The following JAKMIP2 variants were observed in gnomAD, a reference collection of about 807,000 sequenced individuals.
The protein encoded by JAKMIP2 is janus kinase and microtubule interacting protein 2.
JAKMIP2 carries 25 observed loss-of-function variants against 115.0 expected under a neutral mutation model. The observed-to-expected ratio is 0.22, with a 90% CI of 0.16 to 0.30. The LOEUF (loss-of-function observed/expected upper bound fraction) is 0.30, where lower values mean the gene tolerates loss of function less well. Ranked by LOEUF, JAKMIP2 falls within the 10% of genes least tolerant of loss-of-function variation. JAKMIP2 has a pLI of 1.00. For missense variants in JAKMIP2, 642 were observed against 957.6 expected (o/e 0.67, Z 4.35); for synonymous variants, 334 against 343.6 (o/e 0.97, Z 0.31).
chr5:147,726,360 G>C (rs1580841623), intron 1 of JAKMIP2, among the ~76,000 whole-genome samples: 1 of 152,194 alleles, frequency 6.6e-6, no homozygotes, highest in South Asian at 2.1e-4. Context: ...CAGGGCTGTG[G>C]TGTGGCGAGC....
intron 16 of JAKMIP2, among the ~76,000 whole-genome samples, chr5:147,624,852 A>G (rs1262474923): frequency 6.6e-6 from 1 of 152,180 alleles, no homozygotes; most frequent in Non-Finnish European, 1.5e-5. Context: ...CTAAGTCTCA[A>G]GTTTCTTGTC....
chr5:147,729,370 A>G (rs1753636939), intron 1 of JAKMIP2, among the ~76,000 whole-genome samples: 1 of 152,208 alleles, frequency 6.6e-6, no homozygotes, highest in African/African-American at 2.4e-5. Context: ...AGGTGTCATC[A>G]GTAAACCCTG....
chr5:147,634,758 C>T (rs1581328112), intron 12 of JAKMIP2, among the ~76,000 whole-genome samples: 1 of 152,290 alleles, frequency 6.6e-6, no homozygotes, highest in East Asian at 1.9e-4. Flanking sequence ...CTCTGTCTCA[C>T]AGCATGCAAA....
chr5:147,688,936 C>A (rs1760703420), intron 1 of JAKMIP2, among the ~76,000 whole-genome samples: 1 of 152,150 alleles, frequency 6.6e-6, no homozygotes, highest in Non-Finnish European at 1.5e-5. Context: ...ACATAATAAG[C>A]ATGCTAAGTA....
At chr5:147,606,566 T>C (rs1366162290) in intron 20 of JAKMIP2, among the ~76,000 whole-genome samples, 1 of 152,230 alleles carries the variant, frequency 6.6e-6, no homozygotes, top group Non-Finnish European at 1.5e-5. Flanking sequence ...ACCAGTACTA[T>C]GCTGTTTTGT....
At position 147,753,882 on chromosome 5, in the gene JAKMIP2, G is replaced by T. The variant is rs115288667; in HGVS notation, c.-149+28574C>A. Among the ~76,000 whole-genome samples, 1,211 of 150,352 alleles carry T rather than the reference G, an allele frequency of 8.1e-3. 15 individuals are homozygous for T. The highest frequency in any genetic ancestry group is 0.028 in the African/African-American group (1,138 of 40,852). ...GGTTCCACTAGGCACTTACTTTTTG[G>T]TCTGGAACACTGTAGCCATTTTCAG... is the stretch of plus-strand genomic sequence containing the variant. On this transcript the variant is annotated intron_variant, in intron 1 of 21. Coordinates refer to ENST00000616793, the MANE Select transcript of JAKMIP2 (RefSeq NM_001270941.2).
At chr5:147,724,307 C>T (rs1041593681) in intron 1 of JAKMIP2, among the ~76,000 whole-genome samples, 5 of 152,162 alleles carry the variant, frequency 3.3e-5, no homozygotes, top group African/African-American at 1.2e-4. Flanking sequence ...TCCAAACATA[C>T]ATTTTCTACC....
At chr5:147,629,784 G>C (rs1757273158) in intron 14 of JAKMIP2, 38 bp from the exon 15 acceptor site, 1 of 1,552,102 alleles carries the variant, frequency 6.4e-7, no homozygotes, top group Non-Finnish European at 8.9e-7. Flanking sequence ...AAAGACAAAT[G>C]TGGCCTCCTA....
intron 1 of JAKMIP2, among the ~76,000 whole-genome samples, chr5:147,694,652 G>T (rs1394092310): frequency 1.3e-5 from 2 of 152,152 alleles, no homozygotes; most frequent in Non-Finnish European, 2.9e-5. Context: ...ATGTCTCCCT[G>T]AATGTGCCTT....
chr5:147,675,415 G>A (rs941442789), intron 1 of JAKMIP2, among the ~76,000 whole-genome samples: 2 of 151,690 alleles, frequency 1.3e-5, no homozygotes, highest in Non-Finnish European at 2.9e-5. Flanking sequence ...TGGGTGCCTG[G>A]CAATCTCATG....
At chr5:147,708,118 C>T (rs1171896798) in intron 1 of JAKMIP2, among the ~76,000 whole-genome samples, 1 of 152,104 alleles carries the variant, frequency 6.6e-6, no homozygotes, top group African/African-American at 2.4e-5. Flanking sequence ...TTATTTTACA[C>T]ATTTAAATAC....
At chr5:147,732,779 C>T (rs531624648) in intron 1 of JAKMIP2, among the ~76,000 whole-genome samples, 15 of 152,330 alleles carry the variant, frequency 9.8e-5, no homozygotes, top group African/African-American at 3.4e-4. Flanking sequence ...CAGTGTCTCA[C>T]AGCTGGGATC....
chr5:147,652,609 C>T (rs893235188), intron 3 of JAKMIP2, among the ~76,000 whole-genome samples: 5 of 152,042 alleles, frequency 3.3e-5, no homozygotes, highest in African/African-American at 9.7e-5. Context: ...AGTATATCTG[C>T]GCTATCAAAA....
At chr5:147,650,931 T>C (rs894395924) in intron 3 of JAKMIP2, among the ~76,000 whole-genome samples, 2 of 152,198 alleles carry the variant, frequency 1.3e-5, no homozygotes, top group African/African-American at 4.8e-5. Context: ...TGATGTCACT[T>C]CTTCTTTGGG....
intron 1 of JAKMIP2, among the ~76,000 whole-genome samples, chr5:147,703,561 T>C (rs1324384761): frequency 6.6e-6 from 1 of 151,680 alleles, no homozygotes; most frequent in South Asian, 2.1e-4. Context: ...TTTTATTTCT[T>C]CAATAAGAAG....
At chr5:147,734,652 C>T (rs1389451931) in intron 1 of JAKMIP2, among the ~76,000 whole-genome samples, 2 of 140,082 alleles carry the variant, frequency 1.4e-5, no homozygotes, top group Non-Finnish European at 3.2e-5. Flanking sequence ...TACTATAATA[C>T]AAAAAAAAAA....
intron 1 of JAKMIP2, among the ~76,000 whole-genome samples, chr5:147,701,538 T>A (rs148748283): frequency 2.4e-4 from 36 of 152,312 alleles, no homozygotes; most frequent in African/African-American, 8.4e-4. Flanking sequence ...CAATCTTTGA[T>A]CATTGGGAGC....
chr5:147,599,933 G>A (rs1160107387), intron 21 of JAKMIP2, among the ~76,000 whole-genome samples: 1 of 152,084 alleles, frequency 6.6e-6, no homozygotes, highest in Admixed American at 6.5e-5. Flanking sequence ...CAGCTCCCAG[G>A]ACATAATCAG....
intron 1 of JAKMIP2, among the ~76,000 whole-genome samples, chr5:147,712,689 C>A (rs571070948): frequency 6.6e-6 from 1 of 152,240 alleles, no homozygotes; most frequent in African/African-American, 2.4e-5. Flanking sequence ...GGATGTTTCA[C>A]TTGGTTGCTC....
Sources: allele counts gnomAD v4.1 joint callset (sites outside exome capture counted in the v4.1 genomes callset), GRCh38; gene constraint gnomAD v4.1.1; transcripts MANE v1.5; gene names NCBI Gene and HGNC (gene_info 2026-07-23, HGNC 2026-07-21).